The following GPCPD1 variants were observed in gnomAD, a reference collection of about 807,000 sequenced individuals.
GPCPD1 encodes glycerophosphocholine phosphodiesterase GPCPD1.
A neutral mutation model predicts 89.2 loss-of-function variants in GPCPD1; 29 were observed. The observed-to-expected ratio is 0.33, with a 90% confidence interval of 0.24 to 0.44. The LOEUF (loss-of-function observed/expected upper bound fraction) is 0.44. GPCPD1 is among the 20% of genes least tolerant of loss of function. The pLI is 1.00. For missense variants in GPCPD1, 594 were observed against 808.9 expected (o/e 0.73, Z 3.22); for synonymous variants, 258 against 266.3 (o/e 0.97, Z 0.30).
chr20:5,559,438 A>G (rs576374266), intron 17 of GPCPD1, among the ~76,000 whole-genome samples: 3 of 152,230 alleles, frequency 2.0e-5, no homozygotes. Flanking sequence ...ATACAAAATT[A>G]GCCAGTCTTA....
At chr20:5,568,860 A>T (rs62204032) in intron 12 of GPCPD1, among the ~76,000 whole-genome samples, 5,089 of 152,264 alleles carry the variant, frequency 0.033, 128 homozygotes, top group Non-Finnish European at 0.052. Context: ...TTGAGCCAAG[A>T]TCACATCACT....
At chr20:5,577,222 G>A (rs1219806334) in intron 8 of GPCPD1, among the ~76,000 whole-genome samples, 5 of 151,690 alleles carry the variant, frequency 3.3e-5, no homozygotes, top group African/African-American at 2.4e-5. Context: ...GCGCCAACAC[G>A]CCTGGCTAAT....
At chr20:5,569,868 G>T (rs1986607359) in intron 12 of GPCPD1, among the ~76,000 whole-genome samples, 1 of 152,034 alleles carries the variant, frequency 6.6e-6, no homozygotes, top group Non-Finnish European at 1.5e-5. Flanking sequence ...CAATATAGTA[G>T]CATAGACAGA....
chr20:5,554,506 T>C (rs1190148224), intron 19 of GPCPD1, among the ~76,000 whole-genome samples: 2 of 152,208 alleles, frequency 1.3e-5, no homozygotes, highest in Non-Finnish European at 2.9e-5. Flanking sequence ...CTAAATCTAC[T>C]TTGTCTGTGC....
In GPCPD1 at chr20:5,580,103, C is replaced by A; in HGVS notation, c.378G>T (p.Trp126Cys). 1 of 1,498,520 alleles carries A rather than the reference C, an allele frequency of 6.7e-7. No individual in the cohort carries two copies. 92.8% of individuals were successfully genotyped at this position (1,498,520 alleles called of 1,614,324 possible). A position where few individuals can be genotyped will look rare whatever the true frequency, so the allele number is the denominator to read the frequency against. ...ATCTTATTTCAGTCTGACATGTCAGCCATCCAGAATCCAGAGTTTCAACAC... is the reference window on the plus strand; with the variant it reads ...ATCTTATTTCAGTCTGACATGTCAGACATCCAGAATCCAGAGTTTCAACAC... ...HNGVETLDSG[W>C]LTCQTEIRLR... The change falls in exon 7 of 20, where the codon TGG becomes TGT. Residue 126 changes from tryptophan (W) to cysteine (C), a missense_variant. Physicochemically the swap from Trp to Cys is radical, Grantham distance 215 (BLOSUM62 -2). Coordinates refer to ENST00000379019, the MANE Select transcript of GPCPD1 (RefSeq NM_019593.5).
chr20:5,610,630 A>T (rs563623874), intron 1 of GPCPD1, among the ~76,000 whole-genome samples: 12 of 152,150 alleles, frequency 7.9e-5, no homozygotes, highest in Admixed American at 7.8e-4. Context: ...AGTGAACAAT[A>T]AAAGTCGAAG....
intron 2 of GPCPD1, among the ~76,000 whole-genome samples, chr20:5,600,593 G>T (rs1310587961): frequency 6.6e-6 from 1 of 152,194 alleles, no homozygotes; most frequent in Non-Finnish European, 1.5e-5. Context: ...CAGCACTTTG[G>T]GAGGCCAAGG....
rs754855502 is a variant in GPCPD1, at chr20:5,546,561, T to C, written c.*1100A>G. The C allele has an allele frequency of 2.0e-5, 3 of 152,236 alleles. No homozygotes were observed. The highest frequency in any genetic ancestry group is 4.4e-5 in the Non-Finnish European group (3 of 68,050). 9.4% of individuals were successfully genotyped at this position (152,236 alleles called of 1,614,324 possible). On this transcript the variant is annotated 3_prime_UTR_variant, in exon 20 of 20. Coordinates refer to ENST00000379019, the MANE Select transcript of GPCPD1 (RefSeq NM_019593.5). ...TAATCCAAGAAATCCTAGTATAATC[T>C]GAAATACATGCATATACATTTAGTA...
intron 1 of GPCPD1, among the ~76,000 whole-genome samples, chr20:5,604,854 G>C (rs1302022078): frequency 1.3e-5 from 2 of 151,554 alleles, no homozygotes; most frequent in Non-Finnish European, 2.9e-5. Context: ...GATTGAGACT[G>C]AGCTGGGAGG....
intron 17 of GPCPD1, among the ~76,000 whole-genome samples, chr20:5,559,226 A>AT (rs1228859161): frequency 2.0e-5 from 3 of 152,264 alleles, no homozygotes; most frequent in Middle Eastern, 3.4e-3. Context: ...TTTAAAAAAA[A>AT]AAGAAAGAAA....
chr20:5,567,735 AACCTAACACC>A (rs1986474133), intron 12 of GPCPD1, 175 bp from the exon 13 acceptor site: 1 of 531,726 alleles, frequency 1.9e-6, no homozygotes, highest in East Asian at 3.4e-5. Context: ...CAGCCCTTCT[AACCTAACACC>A]ACCTCCCAGC....
At chr20:5,597,023 G>A (rs1190189771) in intron 3 of GPCPD1, among the ~76,000 whole-genome samples, 3 of 152,108 alleles carry the variant, frequency 2.0e-5, no homozygotes, top group Non-Finnish European at 1.5e-5. Context: ...GACAAGTTCA[G>A]AAAGATATGA....
chr20:5,609,948 G>A (rs1474734839), intron 1 of GPCPD1, among the ~76,000 whole-genome samples: 3 of 152,154 alleles, frequency 2.0e-5, no homozygotes, highest in Non-Finnish European at 2.9e-5. Context: ...TAGAGTAGTG[G>A]GTGAGAACTG....
intron 14 of GPCPD1, 148 bp from the exon 15 acceptor site, chr20:5,565,226 C>CT: frequency 1.8e-6 from 1 of 571,126 alleles, no homozygotes; most frequent in South Asian, 2.2e-5. Flanking sequence ...CTCTGAGATC[C>CT]CTTTTTTTTT....
At chr20:5,550,433 T>C (rs1310259913) in intron 19 of GPCPD1, among the ~76,000 whole-genome samples, 1 of 151,670 alleles carries the variant, frequency 6.6e-6, no homozygotes, top group Admixed American at 6.6e-5. Flanking sequence ...TTTGAAAAAA[T>C]TTTCCTGTGT....
chr20:5,548,756 A>G (rs1002721109), intron 19 of GPCPD1: 1 of 275,168 alleles, frequency 3.6e-6, no homozygotes, highest in African/African-American at 2.2e-5. Flanking sequence ...TGTCAGTGAG[A>G]GAACTGAAAA....
Position 5,582,624 on chromosome 20 carries a change from T to TTCAAAGATGGGCCAGGCGTGGTGGCTC in GPCPD1, c.349+1656_349+1657insGAGCCACCACGCCTGGCCCATCTTTGA, listed in dbSNP as rs1381493603. Reference sequence around the variant, plus strand: ...AGGATGCAGGCTGGGCATGGTGGCTTACGCCTGTAATCCCAACACTTTGGG... The same window carrying TTCAAAGATGGGCCAGGCGTGGTGGCTC: ...AGGATGCAGGCTGGGCATGGTGGCTTTCAAAGATGGGCCAGGCGTGGTGGCTCACGCCTGTAATCCCAACACTTTGGG... On this transcript the variant is annotated intron_variant, in intron 6 of 19. Coordinates refer to ENST00000379019, the MANE Select transcript of GPCPD1 (RefSeq NM_019593.5). Among the ~76,000 whole-genome samples, 22 of 152,176 alleles carry TTCAAAGATGGGCCAGGCGTGGTGGCTC rather than the reference T, an allele frequency of 1.4e-4. 1 individual carries two copies. Among genetic ancestry groups the TTCAAAGATGGGCCAGGCGTGGTGGCTC allele is most frequent in the African/African-American group, 4.3e-4 (18 of 41,510 alleles).
chr20:5,549,118 T>C (rs1365540128), intron 19 of GPCPD1: 16 of 649,150 alleles, frequency 2.5e-5, no homozygotes, highest in Admixed American at 1.7e-4. Flanking sequence ...TTAAGGATGG[T>C]GTTGAGCCCA....
intron 1 of GPCPD1, among the ~76,000 whole-genome samples, chr20:5,607,662 AAGAG>A (rs1442612434): frequency 6.6e-6 from 1 of 152,076 alleles, no homozygotes; most frequent in Non-Finnish European, 1.5e-5. Context: ...TTCTGCATCT[AAGAG>A]TAAACATGGC....
Sources: gnomAD v4.1 joint callset for allele counts (sites outside exome capture counted in the v4.1 genomes callset) on GRCh38, gnomAD v4.1.1 for gene constraint, MANE v1.5 for transcripts, NCBI Gene and HGNC (gene_info 2026-07-23, HGNC 2026-07-21) for gene names.